CFAP77: variants seen among roughly 807,000 people sequenced by gnomAD.
CFAP77 encodes the protein cilia- and flagella-associated protein 77.
Under a neutral mutation model 31.1 loss-of-function variants are expected in CFAP77, and 25 were observed. The observed-to-expected ratio is 0.80, with a 90% CI of 0.59 to 1.12. The LOEUF is 1.12. Among genes scored for constraint, CFAP77 ranks in the 50% most tolerant of loss-of-function variants. CFAP77 has a pLI of 0.00. For synonymous variants in CFAP77, 151 were observed against 159.9 expected (o/e 0.94, Z 0.42); for missense variants, 377 against 397.3 (o/e 0.95, Z 0.44).
chr9:132,459,101 T>C (rs967716948), intron 1 of CFAP77, among the ~76,000 whole-genome samples: 57 of 149,034 alleles, frequency 3.8e-4, no homozygotes, highest in African/African-American at 1.4e-3. Context: ...AGACAGAGTC[T>C]CGCTCTGTTG....
At chr9:132,546,673 C>A (rs1852736872) in intron 5 of CFAP77, among the ~76,000 whole-genome samples, 1 of 152,200 alleles carries the variant, frequency 6.6e-6, no homozygotes, top group African/African-American at 2.4e-5. Context: ...GGGAAGAGGA[C>A]ACATCCCCCA....
chr9:132,564,132 C>A lies in CFAP77; in HGVS notation c.733-8256C>A, dbSNP rs1422907347. Reference sequence around the variant, plus strand: ...GTGATTTTATTTTTATTAGTAGTTTCTCACTCTATCTCAGGGACTAGCCCC... The same window carrying A: ...GTGATTTTATTTTTATTAGTAGTTTATCACTCTATCTCAGGGACTAGCCCC... On this transcript the variant is annotated intron_variant, in intron 5 of 5. Transcript: ENST00000393216. The surrounding 1 kb of genome is among the most constrained non-coding windows in gnomAD (Gnocchi z 4.6). 6.6e-6 allele frequency among the ~76,000 whole-genome samples: 1 copy of A among 152,154 alleles called. No homozygotes were observed. Among genetic ancestry groups the A allele is most frequent in the African/African-American group, 2.4e-5 (1 of 41,426 alleles).
chr9:132,429,705 A>AG (rs1160681238), intron 1 of CFAP77, among the ~76,000 whole-genome samples: 2 of 149,880 alleles, frequency 1.3e-5, no homozygotes, highest in East Asian at 3.9e-4. Flanking sequence ...AAAAAAAAAA[A>AG]GTTAGCCGGA....
At chr9:132,491,566 G>A (rs552210449) in intron 1 of CFAP77, among the ~76,000 whole-genome samples, 14 of 152,316 alleles carry the variant, frequency 9.2e-5, no homozygotes, top group African/African-American at 3.4e-4. Flanking sequence ...GATGATGTTT[G>A]TTTTTACCTG....
intron 1 of CFAP77, among the ~76,000 whole-genome samples, chr9:132,418,574 G>A (rs1850150272): frequency 6.6e-6 from 1 of 152,074 alleles, no homozygotes; most frequent in Non-Finnish European, 1.5e-5. Context: ...TAAAATCCCC[G>A]CCTTTGAATC....
chr9:132,482,615 C>T (rs961147819), intron 1 of CFAP77, among the ~76,000 whole-genome samples: 7 of 152,042 alleles, frequency 4.6e-5, no homozygotes, highest in Admixed American at 2.6e-4. Context: ...ACTGAGACTC[C>T]GAGAGGCCAA....
Position 132,545,035 on chromosome 9 carries a change from G to A in CFAP77, c.732+1988G>A, listed in dbSNP as rs868756889. On this transcript the variant is annotated intron_variant, in intron 5 of 5. Coordinates refer to ENST00000393216, the MANE Select transcript of CFAP77 (RefSeq NM_001282957.2). The surrounding 1 kb of genome is among the most constrained non-coding windows in gnomAD (Gnocchi z 4.6). ...GGAAAGGGCTCCAGGTAACAGTGCC[G>A]CACCTGTGCTGGGAGCTCCGGTCTG... is the stretch of plus-strand genomic sequence containing the variant. Among the ~76,000 whole-genome samples the A allele has an allele frequency of 2.6e-5, 4 of 152,174 alleles. No individual in the cohort carries two copies. Among genetic ancestry groups the A allele is most frequent in the East Asian group, 3.8e-4 (2 of 5,196 alleles).
At chr9:132,560,983 G>A (rs1434166370) in intron 5 of CFAP77, among the ~76,000 whole-genome samples, 1 of 152,174 alleles carries the variant, frequency 6.6e-6, no homozygotes, top group East Asian at 1.9e-4. Flanking sequence ...ACAGAGAAAT[G>A]AGAGCCAGTG....
chr9:132,479,809 G>A (rs1367834915), intron 1 of CFAP77, among the ~76,000 whole-genome samples: 3 of 152,184 alleles, frequency 2.0e-5, no homozygotes, highest in South Asian at 2.1e-4. Context: ...GGCCTACTAC[G>A]TGAGAGGCAG....
intron 1 of CFAP77, among the ~76,000 whole-genome samples, chr9:132,420,218 C>T (rs114194348): frequency 6.7e-6 from 1 of 149,210 alleles, no homozygotes; most frequent in African/African-American, 2.5e-5. Context: ...CACGTTTAAG[C>T]GTTGAGGCAG....
chr9:132,569,940 T>C (rs1297980660), intron 5 of CFAP77, among the ~76,000 whole-genome samples: 1 of 152,096 alleles, frequency 6.6e-6, no homozygotes, highest in Non-Finnish European at 1.5e-5. Flanking sequence ...CTCGCCATGT[T>C]GGCCAGGCTG....
intron 1 of CFAP77, among the ~76,000 whole-genome samples, chr9:132,449,306 TCCTCTCCTACTCCTGGCTGCACTCAC>T (rs1850781286): frequency 1.3e-5 from 2 of 150,610 alleles, no homozygotes; most frequent in African/African-American, 4.9e-5. Flanking sequence ...GCACTCACCC[TCCTCTCCTACTCCTGGCTGCACTCAC>T]CCTCCTCTCC....
intron 3 of CFAP77, among the ~76,000 whole-genome samples, chr9:132,506,732 T>C (rs1564232452): frequency 6.6e-6 from 1 of 152,168 alleles, no homozygotes; most frequent in Admixed American, 6.5e-5. Flanking sequence ...CTCAGGAGCA[T>C]CCTCATTAAC....
At chr9:132,449,189 T>C (rs775704860) in intron 1 of CFAP77, among the ~76,000 whole-genome samples, 3 of 152,240 alleles carry the variant, frequency 2.0e-5, no homozygotes, top group Non-Finnish European at 4.4e-5. Context: ...TTGGCAGTTA[T>C]GTGCAATCAC....
intron 1 of CFAP77, among the ~76,000 whole-genome samples, chr9:132,459,292 C>T (rs903312780): frequency 2.0e-5 from 3 of 152,034 alleles, no homozygotes; most frequent in African/African-American, 4.8e-5. Flanking sequence ...AGGATGGTCT[C>T]GATCTCCTGA....
At chr9:132,487,266 G>A (rs566319833) in intron 1 of CFAP77, among the ~76,000 whole-genome samples, 1 of 152,176 alleles carries the variant, frequency 6.6e-6, no homozygotes, top group Non-Finnish European at 1.5e-5. Flanking sequence ...AAGGTCACAC[G>A]GGAAGTGGCA....
intron 1 of CFAP77, among the ~76,000 whole-genome samples, chr9:132,415,523 G>A (rs993438299): frequency 6.6e-6 from 1 of 152,180 alleles, no homozygotes; most frequent in Non-Finnish European, 1.5e-5. Context: ...TTAATTAAGC[G>A]CAGACCTCAG....
intron 1 of CFAP77, among the ~76,000 whole-genome samples, chr9:132,461,565 A>G (rs901588033): frequency 6.6e-6 from 1 of 152,152 alleles, no homozygotes; most frequent in Non-Finnish European, 1.5e-5. Flanking sequence ...ATAAATCTAG[A>G]GCTTTAATCA....
intron 5 of CFAP77, among the ~76,000 whole-genome samples, chr9:132,569,758 C>T (rs947310820): frequency 2.9e-4 from 34 of 116,790 alleles, no homozygotes; most frequent in African/African-American, 9.8e-4. Flanking sequence ...TTTTTTGAGA[C>T]GGAATCTCGC....
Sources: allele counts gnomAD v4.1 joint callset (sites outside exome capture counted in the v4.1 genomes callset), GRCh38; gene constraint gnomAD v4.1.1; non-coding constraint Gnocchi (gnomAD v3.1); transcripts MANE v1.5; gene names NCBI Gene and HGNC (gene_info 2026-07-23, HGNC 2026-07-21).